ZNF709: variants seen among roughly 807,000 people sequenced by gnomAD.
ZNF709 encodes zinc finger protein 709.
ZNF709 carries 15 observed loss-of-function variants against 10.6 expected under a neutral mutation model. The observed-to-expected ratio is 1.41, with a 90% CI of 0.95 to 2.18. The LOEUF (loss-of-function observed/expected upper bound fraction) is 2.18, where lower values mean the gene tolerates loss of function less well. ZNF709 is among the 30% of genes most tolerant of loss of function. ZNF709 has a pLI of 0.00. For synonymous variants in ZNF709, 194 were observed against 238.8 expected (o/e 0.81, Z 1.73); for missense variants, 589 against 774.0 (o/e 0.76, Z 2.84).
chr19:12,483,364 G>A lies in ZNF709; in HGVS notation c.3+1291C>T, dbSNP rs574481140. 4.2e-5 allele frequency among the ~76,000 whole-genome samples: 6 copies of A among 143,806 alleles called. No homozygotes were observed. The East Asian group carries it at 1.2e-3, about 29-fold the overall frequency. The allele number at this position is 143,806 out of a possible 152,430, so 94.3% of individuals were successfully genotyped here. A position where few individuals can be genotyped will look rare whatever the true frequency, so the allele number is the denominator to read the frequency against. On this transcript the variant is annotated intron_variant, in intron 1 of 3. Coordinates refer to ENST00000397732, the MANE Select transcript of ZNF709 (RefSeq NM_152601.4). ...AGATGAGGTCTCTCTATGTCACCTA[G>A]GCTGGTCTTGAACTCCTGAGCTCAA...
At position 12,463,724 on chromosome 19, in the gene ZNF709, C is replaced by T. The variant is rs1031911443; in HGVS notation, c.*272G>A. 10 of 245,884 alleles carry T rather than the reference C, an allele frequency of 4.1e-5. No homozygotes were observed. Among genetic ancestry groups the T allele is most frequent in the African/African-American group, 1.6e-4 (7 of 44,892 alleles). 15.2% of individuals were successfully genotyped at this position (245,884 alleles called of 1,614,324 possible). A position where few individuals can be genotyped will look rare whatever the true frequency, so the allele number is the denominator to read the frequency against. On this transcript the variant is annotated 3_prime_UTR_variant, in exon 4 of 4. Transcript: ENST00000397732. The stretch of plus-strand genomic sequence containing the variant: ...GGTGGATCGTCTGAGGTCAGGAGTT[C>T]GAGACCAGCCTGGCCAACATGGCGA...
At position 12,466,865 on chromosome 19, in the gene ZNF709, A is replaced by C; in HGVS notation, c.4-15T>G. 1 of 1,612,398 alleles carries C rather than the reference A, an allele frequency of 6.2e-7. No individual in the cohort carries two copies. The highest frequency in any genetic ancestry group is 8.5e-7 in the Non-Finnish European group (1 of 1,179,132). On this transcript the variant is annotated splice_polypyrimidine_tract_variant and intron_variant, in intron 1 of 3. Transcript: ENST00000397732. Reference sequence around the variant, plus strand: ...ACCACTGAGTCCTGAAACATCCCACATGTATAGGGGAGGATGGGTGAGACT... The same window carrying C: ...ACCACTGAGTCCTGAAACATCCCACCTGTATAGGGGAGGATGGGTGAGACT...
intron 1 of ZNF709, among the ~76,000 whole-genome samples, chr19:12,477,291 C>T (rs1970685085): frequency 6.6e-6 from 1 of 152,182 alleles, no homozygotes; most frequent in Non-Finnish European, 1.5e-5. Flanking sequence ...CCCTTCAAGG[C>T]CCTGTTCAAT....
intron 1 of ZNF709, among the ~76,000 whole-genome samples, chr19:12,478,218 C>T (rs1438891875): frequency 2.6e-5 from 4 of 152,140 alleles, no homozygotes. Context: ...CCCATGAGCA[C>T]CTTGTATGCC....
intron 1 of ZNF709, among the ~76,000 whole-genome samples, chr19:12,475,606 T>C (rs1007715213): frequency 2.6e-5 from 4 of 152,136 alleles, no homozygotes; most frequent in African/African-American, 9.7e-5. Flanking sequence ...ATATCATATT[T>C]AATAGTGAGA....
chr19:12,484,501 C>T (rs1405161422), intron 1 of ZNF709, among the ~76,000 whole-genome samples, 154 bp downstream of exon 1: 1 of 152,154 alleles, frequency 6.6e-6, no homozygotes, highest in Non-Finnish European at 1.5e-5. Flanking sequence ...ATCCTGCGGC[C>T]AAAGAGACCG....
At chr19:12,475,959 G>A (rs924172771) in intron 1 of ZNF709, among the ~76,000 whole-genome samples, 8 of 152,002 alleles carry the variant, frequency 5.3e-5, no homozygotes, top group Non-Finnish European at 1.2e-4. Context: ...GCAATTCAAT[G>A]AAAAAAGATA....
intron 1 of ZNF709, among the ~76,000 whole-genome samples, 194 bp from the exon 2 acceptor site, chr19:12,467,044 A>T (rs1239914382): frequency 6.6e-6 from 1 of 152,186 alleles, no homozygotes; most frequent in African/African-American, 2.4e-5. Context: ...TTATTTCTAC[A>T]TTTTTAGTAT....
intron 1 of ZNF709, among the ~76,000 whole-genome samples, chr19:12,480,978 T>C (rs1264453563): frequency 6.6e-6 from 1 of 151,512 alleles, no homozygotes; most frequent in Non-Finnish European, 1.5e-5. Context: ...GAGACAGGGT[T>C]TCGCCATGTT....
At chr19:12,475,160 A>G (rs1426379738) in intron 1 of ZNF709, among the ~76,000 whole-genome samples, 1 of 149,370 alleles carries the variant, frequency 6.7e-6, no homozygotes. Flanking sequence ...TGGGAGGCTG[A>G]GGCAGAAGAA....
intron 1 of ZNF709, among the ~76,000 whole-genome samples, chr19:12,472,262 C>G (rs1970639868): frequency 6.6e-6 from 1 of 152,122 alleles, no homozygotes; most frequent in African/African-American, 2.4e-5. Context: ...TGGCTCACAT[C>G]TGTAATCCCA....
chr19:12,465,813 AATC>A, intron 3 of ZNF709, 80 bp from the exon 4 acceptor site: 1 of 1,142,574 alleles, frequency 8.8e-7, no homozygotes. Context: ...ATTATTTCAC[AATC>A]ATTAGTAGGT....
In ZNF709 at chr19:12,464,555, G is replaced by T. The variant is rs1970548709; in HGVS notation, c.1367C>A (p.Ala456Asp). 6.2e-7 allele frequency: 1 copy of T among 1,612,764 alleles called. No homozygotes were observed. Among genetic ancestry groups the T allele is most frequent in the Non-Finnish European group, 8.5e-7 (1 of 1,179,470 alleles). Residue 456 changes from alanine (A) to aspartate (D), a missense_variant, in exon 4 of 4, where the codon GCC (alanine) becomes GAC (aspartate). This residue lies in a region of ZNF709 where 171 missense variants were observed against 277.7 expected (regional missense o/e 0.62). Coordinates refer to ENST00000397732, the MANE Select transcript of ZNF709 (RefSeq NM_152601.4). ...TCGAAAGGAACTGGAACAACTGAAG[G>T]CTTTACCACACTGTTTACATTCATA... ...KPYECKQCGK[A>D]FSCSSSFRMH...
chr19:12,484,528 A>G (rs1970761473), intron 1 of ZNF709, 127 bp downstream of exon 1: 1 of 1,311,912 alleles, frequency 7.6e-7, no homozygotes, highest in Non-Finnish European at 1.1e-6. Flanking sequence ...GAGCTGCGCC[A>G]GGAGGACTCG....
Position 12,463,903 on chromosome 19 carries a change from G to A in ZNF709, c.*93C>T. 1 of 1,159,988 alleles carries A rather than the reference G, an allele frequency of 8.6e-7. No individual in the cohort carries two copies. The allele number at this position is 1,159,988 out of a possible 1,614,324, so 71.9% of individuals were successfully genotyped here. ...GATCACTCTACTGCACTCCAGCCAG[G>A]GCAACAGAGTGAGAATTCAACTCAA... On this transcript the variant is annotated 3_prime_UTR_variant, in exon 4 of 4. Coordinates refer to ENST00000397732, the MANE Select transcript of ZNF709 (RefSeq NM_152601.4).
In ZNF709 at chr19:12,461,726, T is replaced by C. The variant is rs1354318944; in HGVS notation, c.*2270A>G. The C allele has an allele frequency of 1.3e-5, 2 of 152,184 alleles. No individual in the cohort carries two copies. The highest frequency in any genetic ancestry group is 2.9e-5 in the Non-Finnish European group (2 of 68,050). The allele number at this position is 152,184 out of a possible 1,614,324, so 9.4% of individuals were successfully genotyped here. ...GGAAAATCCAAACTGCAGTGCATCT[T>C]TGAGTAGAACTTTTGAAGACAATTT... On this transcript the variant is annotated 3_prime_UTR_variant, in exon 4 of 4. Transcript: ENST00000397732.
intron 1 of ZNF709, among the ~76,000 whole-genome samples, chr19:12,467,565 C>T (rs1324493708): frequency 7.2e-5 from 11 of 152,184 alleles, no homozygotes; most frequent in Admixed American, 2.0e-4. Flanking sequence ...GCTGCCACCC[C>T]GTCTGGGAAG....
chr19:12,478,341 G>C (rs898771835), intron 1 of ZNF709, among the ~76,000 whole-genome samples: 1 of 152,124 alleles, frequency 6.6e-6, no homozygotes, highest in African/African-American at 2.4e-5. Context: ...CTTCAAAAAA[G>C]CCAAGGAATT....
At chr19:12,483,871 GAA>G (rs1384578380) in intron 1 of ZNF709, among the ~76,000 whole-genome samples, 1 of 138,572 alleles carries the variant, frequency 7.2e-6, no homozygotes, top group East Asian at 2.0e-4. Flanking sequence ...AGATCTCCCA[GAA>G]AAGTTTCCAA....
Sources: gnomAD v4.1 joint callset for allele counts (sites outside exome capture counted in the v4.1 genomes callset) on GRCh38, gnomAD v4.1.1 for gene constraint, gnomAD v4.1.1 regional missense constraint, MANE v1.5 for transcripts, NCBI Gene and HGNC (gene_info 2026-07-23, HGNC 2026-07-21) for gene names.